The following MPRIP variants were observed in gnomAD, a reference collection of about 807,000 sequenced individuals.
The protein encoded by MPRIP is myosin phosphatase Rho-interacting protein.
In MPRIP, 59 loss-of-function variants were observed where a neutral mutation model predicts 234.9. The ratio of observed to expected loss-of-function variants is 0.25; its 90% CI spans 0.20 to 0.31. MPRIP has a LOEUF of 0.31. Among genes scored for constraint, MPRIP ranks in the 10% least tolerant of loss-of-function variants. MPRIP has a pLI of 1.00. For synonymous variants in MPRIP, 1,144 were observed against 1,263.9 expected (o/e 0.91, Z 2.01); for missense variants, 2,436 against 3,071.0 (o/e 0.79, Z 4.89).
chr17:17,081,708 T>A (rs1390889038), intron 3 of MPRIP, among the ~76,000 whole-genome samples: 1 of 152,202 alleles, frequency 6.6e-6, no homozygotes, highest in Admixed American at 6.5e-5. Context: ...CTGCTGGGGC[T>A]GGGGCTGCTG....
intron 7 of MPRIP, chr17:17,141,768 A>C (rs1029944000): frequency 2.0e-5 from 3 of 152,480 alleles, no homozygotes; most frequent in African/African-American, 7.2e-5. Context: ...CAGGTAACTT[A>C]GGTGCCCCTG....
chr17:17,158,723 G>A lies in MPRIP; in HGVS notation c.2121G>A (p.Arg707=), dbSNP rs769894119. The A allele has an allele frequency of 1.9e-6, 3 of 1,610,542 alleles. No homozygotes were observed. The highest frequency in any genetic ancestry group is 1.7e-6 in the Non-Finnish European group (2 of 1,179,668). The change falls in exon 14 of 24, where the codon CGG becomes CGA. Residue 707 remains arginine, a synonymous_variant. Coordinates refer to ENST00000651222, the MANE Select transcript of MPRIP (RefSeq NM_001364716.4). ...GELERERARR[R]EERRKRFGML... is the part of the protein sequence containing the mutation. ...TGGAGCGGGAGCGTGCACGGAGGCG[G>A]GAGGAGCGCCGCAAGCGCTTCGGGA...
chr17:17,163,183 G>C (rs2045909389), intron 15 of MPRIP, among the ~76,000 whole-genome samples: 2 of 152,232 alleles, frequency 1.3e-5, no homozygotes, highest in Admixed American at 1.3e-4. Flanking sequence ...GGAGGAGCTT[G>C]CATGATTTGG....
intron 1 of MPRIP, among the ~76,000 whole-genome samples, chr17:17,059,559 G>C (rs1208045272): frequency 6.6e-6 from 1 of 152,224 alleles, no homozygotes; most frequent in Non-Finnish European, 1.5e-5. Flanking sequence ...GGTGTCCCCT[G>C]ACTTCCATTT....
intron 3 of MPRIP, among the ~76,000 whole-genome samples, chr17:17,124,089 G>T (rs1224035495): frequency 1.3e-5 from 2 of 152,190 alleles, no homozygotes; most frequent in Non-Finnish European, 2.9e-5. Context: ...CCCTCACTTT[G>T]CACATGAGGA....
In MPRIP at chr17:17,166,223, G is replaced by C. The variant is rs1269725637; in HGVS notation, c.4632G>C (p.Lys1544Asn). 7.7e-7 allele frequency: 1 copy of C among 1,303,498 alleles called. No individual in the cohort carries two copies. Among genetic ancestry groups the C allele is most frequent in the East Asian group, 5.5e-5 (1 of 18,026 alleles). 80.7% of individuals were successfully genotyped at this position (1,303,498 alleles called of 1,614,324 possible). The stretch of plus-strand genomic sequence containing the variant: ...CAGGTGGCACCGAGGAGAATGGGAA[G>C]CCTGCCTCCCTGCAGCAGTGCTCCC... Reference protein sequence around the residue: ...LETGGTEENGKPASLQQCSQS... With the variant: ...LETGGTEENGNPASLQQCSQS... Residue 1544 changes from lysine to asparagine, a missense_variant, in exon 16 of 24, where the codon AAG becomes AAC. Physicochemically the swap from Lys to Asn is moderately conservative, Grantham distance 94. Coordinates refer to ENST00000651222, the MANE Select transcript of MPRIP (RefSeq NM_001364716.4). The surrounding 1 kb of genome is among the most constrained non-coding windows in gnomAD (Gnocchi z 4.4).
chr17:17,094,621 CTTT>C (rs759404428), intron 3 of MPRIP, among the ~76,000 whole-genome samples: 3 of 134,692 alleles, frequency 2.2e-5, no homozygotes, highest in Non-Finnish European at 1.6e-5. Flanking sequence ...TCTTCACTGT[CTTT>C]TTTTTTTTTT....
chr17:17,046,824 A>G (rs2088367537), intron 1 of MPRIP, among the ~76,000 whole-genome samples: 1 of 152,216 alleles, frequency 6.6e-6, no homozygotes, highest in South Asian at 2.1e-4. Flanking sequence ...CTCATCACAA[A>G]GGCAGCCGTA....
At position 17,117,790 on chromosome 17, in the gene MPRIP, C is replaced by T. The variant is rs542271048; in HGVS notation, c.268-8912C>T. ...TTTTTGAGGAACTGCTAAAGTTTTC[C>T]ACAATAGCTACACCACTTTACAATC... On this transcript the variant is annotated intron_variant, in intron 3 of 23. Coordinates refer to ENST00000651222, the MANE Select transcript of MPRIP (RefSeq NM_001364716.4). Among the ~76,000 whole-genome samples the T allele has an allele frequency of 3.3e-5, 5 of 152,282 alleles. No homozygotes were observed. The South Asian group carries it at 1.0e-3, about 32-fold the overall frequency.
At chr17:17,180,524 C>T (rs2046350499) in intron 23 of MPRIP, 2 of 1,271,814 alleles carry the variant, frequency 1.6e-6, no homozygotes, top group Middle Eastern at 1.9e-4. Flanking sequence ...CAGCCATGCA[C>T]AGGAGGGCGG....
intron 3 of MPRIP, among the ~76,000 whole-genome samples, chr17:17,119,383 G>T (rs2090346527): frequency 6.6e-6 from 1 of 152,268 alleles, no homozygotes; most frequent in South Asian, 2.1e-4. Context: ...CCTGCCTACA[G>T]TTTCTCTGAT....
chr17:17,088,527 C>T (rs2089644080), intron 3 of MPRIP, among the ~76,000 whole-genome samples: 1 of 152,210 alleles, frequency 6.6e-6, no homozygotes, highest in Admixed American at 6.5e-5. Flanking sequence ...AGCAAAGCCA[C>T]ATGGCTGGTG....
At chr17:17,072,180 A>T (rs2089211357) in intron 1 of MPRIP, among the ~76,000 whole-genome samples, 1 of 152,134 alleles carries the variant, frequency 6.6e-6, no homozygotes, top group African/African-American at 2.4e-5. Context: ...GCGGGGGAGG[A>T]TGCAGCAGTT....
chr17:17,053,946 G>A (rs555014751), intron 1 of MPRIP, among the ~76,000 whole-genome samples: 24 of 152,164 alleles, frequency 1.6e-4, no homozygotes, highest in Non-Finnish European at 3.1e-4. Flanking sequence ...TGGGCTCTTG[G>A]AAACTGCTAC....
chr17:17,172,739 C>T lies in MPRIP; in HGVS notation c.6514C>T (p.Arg2172Trp). 1.2e-6 allele frequency: 2 copies of T among 1,611,946 alleles called. No individual in the cohort carries two copies. Among genetic ancestry groups the T allele is most frequent in the Non-Finnish European group, 1.7e-6 (2 of 1,179,998 alleles). The change falls in exon 18 of 24, where the codon CGG becomes TGG. Residue 2172 changes from arginine (R) to tryptophan (W), a missense_variant. This residue lies in a region of MPRIP where 1,998 missense variants were observed against 2,520.3 expected (regional missense o/e 0.79). Coordinates refer to ENST00000651222, the MANE Select transcript of MPRIP (RefSeq NM_001364716.4). ...MKNAHREEME[R>W]ELEKSQRSQI... is the part of the protein sequence containing the mutation. ...GAACGCCCACCGGGAGGAAATGGAG[C>T]GGGAGCTGGAGAAGAGCCAGCGGTC...
chr17:17,097,466 C>T (rs1412430438), intron 3 of MPRIP: 1 of 152,196 alleles, frequency 6.6e-6, no homozygotes, highest in East Asian at 1.9e-4. Flanking sequence ...GCACTCCAGC[C>T]TGAGTGACAG....
intron 3 of MPRIP, among the ~76,000 whole-genome samples, chr17:17,091,531 A>G (rs2089717599): frequency 6.6e-6 from 1 of 152,182 alleles, no homozygotes; most frequent in African/African-American, 2.4e-5. Flanking sequence ...CGTGCGTATT[A>G]GGTGCTGGGT....
chr17:17,128,840 C>T (rs1036857221), intron 4 of MPRIP, among the ~76,000 whole-genome samples: 9 of 152,184 alleles, frequency 5.9e-5, no homozygotes, highest in Non-Finnish European at 1.3e-4. Context: ...CTCCTGCCCT[C>T]GCTGACAGCC....
rs2045802823 is a variant in MPRIP, at chr17:17,158,998, A to C, written c.2396A>C (p.Lys799Thr). 6.2e-7 allele frequency: 1 copy of C among 1,610,480 alleles called. No homozygotes were observed. Among genetic ancestry groups the C allele is most frequent in the Admixed American group, 1.7e-5 (1 of 59,902 alleles). Residue 799 changes from lysine to threonine, a missense_variant, in exon 14 of 24, where the codon AAG becomes ACG. Lys to Thr is a moderately conservative substitution (Grantham distance 78). Transcript: ENST00000651222. ...CACGAGCTGACCTCTCTGCTCGAGA[A>C]GGAGGTAATAGCCTGGGACCAGATC... ...STHELTSLLEKELEQSQKEAS... is the reference protein window; with the variant it reads ...STHELTSLLETELEQSQKEAS...
Sources: allele counts gnomAD v4.1 joint callset (sites outside exome capture counted in the v4.1 genomes callset), GRCh38; gene constraint gnomAD v4.1.1; regional missense constraint gnomAD v4.1.1; non-coding constraint Gnocchi (gnomAD v3.1); transcripts MANE v1.5; gene names NCBI Gene and HGNC (gene_info 2026-07-23, HGNC 2026-07-21).